The following RBFA variants were observed in gnomAD, a reference collection of about 807,000 sequenced individuals.
RBFA encodes putative ribosome-binding factor A, mitochondrial.
RBFA carries 16 observed loss-of-function variants against 27.9 expected under a neutral mutation model. That is an observed-to-expected ratio of 0.57 (90% CI 0.39 to 0.87). The LOEUF (loss-of-function observed/expected upper bound fraction) is 0.87, where lower values mean the gene tolerates loss of function less well. Ranked by LOEUF, RBFA falls within the 40% of genes least tolerant of loss-of-function variation. The probability of loss-of-function intolerance (pLI) is 0.00; values close to 1 mark genes in which losing one functional copy is unlikely to be tolerated. For missense variants in RBFA, 456 were observed against 432.1 expected, an observed-to-expected ratio of 1.06 and a Z score of -0.49; for synonymous variants, 181 against 181.0, an observed-to-expected ratio of 1.00 and a Z score of 0.00.
Position 80,045,986 on chromosome 18 carries a change from A to G in RBFA, c.863A>G (p.Gln288Arg), listed in dbSNP as rs2052050650. 1 of 1,614,194 alleles carries G rather than the reference A, an allele frequency of 6.2e-7. No homozygotes were observed. Among genetic ancestry groups the G allele is most frequent in the Non-Finnish European group, 8.5e-7 (1 of 1,180,048 alleles). Residue 288 changes from glutamine (Q) to arginine (R), a missense_variant, in exon 7 of 7, where the codon CAG (glutamine) becomes CGG (arginine). Coordinates refer to ENST00000306735, the MANE Select transcript of RBFA (RefSeq NM_024805.3). ...AAGAGGGCCAAGCCCCGCCTGGAGC[A>G]GGACAGCTCCCTCAAGAGTTACCTG... ...GRKRAKPRLE[Q>R]DSSLKSYLSG...
rs1381224103 is a variant in RBFA at position 80,050,250 on chromosome 18, G to A, written c.*4095G>A. Among the ~76,000 whole-genome samples the A allele has an allele frequency of 2.0e-5, 3 of 152,182 alleles. No homozygotes were observed. The highest frequency in any genetic ancestry group is 4.4e-5 in the Non-Finnish European group (3 of 68,038). ...TGCCACCCAGGCCAGGGTAAGGGGAGCAGAGACCTTTTGGTTCCTGGTTTG... is the reference window on the plus strand; with the variant it reads ...TGCCACCCAGGCCAGGGTAAGGGGAACAGAGACCTTTTGGTTCCTGGTTTG... On this transcript the variant is annotated 3_prime_UTR_variant, in exon 7 of 7. Transcript: ENST00000306735.
rs1021656065 is a variant in RBFA, at chr18:80,047,681, T to C, written c.*1526T>C. ...TAAGGATAGACAAAACCCCACATGA[T>C]GGTATGAGTAGGAGAGAGAAAAAAA... On this transcript the variant is annotated 3_prime_UTR_variant, in exon 7 of 7. Coordinates refer to ENST00000306735, the MANE Select transcript of RBFA (RefSeq NM_024805.3). 3.1e-4 allele frequency among the ~76,000 whole-genome samples: 44 copies of C among 142,972 alleles called. No individual in the cohort carries two copies. The highest frequency in any genetic ancestry group is 1.1e-3 in the African/African-American group (43 of 39,046). The allele number at this position is 142,972 out of a possible 152,430, so 93.8% of individuals were successfully genotyped here.
rs749498568 is a variant in RBFA, at chr18:80,047,955, T to G, written c.*1800T>G. Among the ~76,000 whole-genome samples the G allele has an allele frequency of 2.6e-5, 4 of 152,230 alleles. No homozygotes were observed. Among genetic ancestry groups the G allele is most frequent in the Non-Finnish European group, 4.4e-5 (3 of 68,034 alleles). On this transcript the variant is annotated 3_prime_UTR_variant, in exon 7 of 7. Coordinates refer to ENST00000306735, the MANE Select transcript of RBFA (RefSeq NM_024805.3). ...CTCTTATTCTTCTAGGGGACCATCA[T>G]GGGCTGAGGTCAGGCCAAGGCCTTT...
intron 5 of RBFA, among the ~76,000 whole-genome samples, chr18:80,043,495 C>G (rs1016637088): frequency 6.6e-6 from 1 of 152,176 alleles, no homozygotes; most frequent in African/African-American, 2.4e-5. Context: ...AAGGTGTTCC[C>G]TGGGGAGGAC....
Position 80,037,450 on chromosome 18 carries a change from C to CTG in RBFA, c.326_327dup (p.Thr110ValfsTer5). ...CCTCTATAAGGCACTGACAGACCTG[C>CTG]TGTGTACCCCTGAAGTGAGTCAGGA... On this transcript the variant is annotated frameshift_variant, in exon 3 of 7. Transcript: ENST00000306735. LOFTEE classifies it high-confidence loss of function. 6.2e-7 allele frequency: 1 copy of CTG among 1,614,138 alleles called. No individual in the cohort carries two copies. The highest frequency in any genetic ancestry group is 8.5e-7 in the Non-Finnish European group (1 of 1,179,998).
rs1430289180 is a variant in RBFA at position 80,049,629 on chromosome 18, C to G, written c.*3474C>G. Among the ~76,000 whole-genome samples, 1 of 152,238 alleles carries G rather than the reference C, an allele frequency of 6.6e-6. No individual in the cohort carries two copies. Among genetic ancestry groups the G allele is most frequent in the Non-Finnish European group, 1.5e-5 (1 of 68,040 alleles). On this transcript the variant is annotated 3_prime_UTR_variant, in exon 7 of 7. Transcript: ENST00000306735. Reference sequence around the variant, plus strand: ...ACCTTGTTAGTAAAGGTCAATGGTTCTCAAAGTTCCGGGCACATCCCCTGG... The same window carrying G: ...ACCTTGTTAGTAAAGGTCAATGGTTGTCAAAGTTCCGGGCACATCCCCTGG...
intron 6 of RBFA, 85 bp from the exon 7 acceptor site, chr18:80,045,689 G>A: frequency 1.4e-6 from 2 of 1,422,064 alleles, no homozygotes; most frequent in Non-Finnish European, 1.9e-6. Flanking sequence ...TGTAGGAAGT[G>A]TGATGTGCTG....
chr18:80,035,779 T>G (rs1371257539), intron 1 of RBFA: 3 of 152,250 alleles, frequency 2.0e-5, no homozygotes, highest in Non-Finnish European at 4.4e-5. Flanking sequence ...TTCATTCATA[T>G]CACCAAGAAC....
At chr18:80,039,744 A>C (rs2145145166) in intron 4 of RBFA, among the ~76,000 whole-genome samples, 1 of 152,336 alleles carries the variant, frequency 6.6e-6, no homozygotes, top group East Asian at 1.9e-4. Flanking sequence ...ATGCTTTTAA[A>C]ATCTGCATAA....
chr18:80,046,972 A>G lies in RBFA; in HGVS notation c.*817A>G, dbSNP rs1001368912. The G allele has an allele frequency of 3.3e-5, 5 of 152,402 alleles. No homozygotes were observed. Among genetic ancestry groups the G allele is most frequent in the Admixed American group, 3.3e-4 (5 of 15,288 alleles). 9.4% of individuals were successfully genotyped at this position (152,402 alleles called of 1,614,324 possible). The stretch of plus-strand genomic sequence containing the variant: ...GATTCGTTTTGCTGTTTATCAGAAG[A>G]GAAAACACAGATTCCATACCTTGTC... On this transcript the variant is annotated 3_prime_UTR_variant, in exon 7 of 7. Coordinates refer to ENST00000306735, the MANE Select transcript of RBFA (RefSeq NM_024805.3).
chr18:80,045,748 G>A (rs1235243851), intron 6 of RBFA, 26 bp from the exon 7 acceptor site: 6 of 1,509,588 alleles, frequency 4.0e-6, no homozygotes, highest in Non-Finnish European at 4.4e-6. Context: ...TTTGTGCTTG[G>A]TGTGAAGCCT....
chr18:80,045,318 T>C (rs986191000), intron 6 of RBFA, among the ~76,000 whole-genome samples: 11 of 151,200 alleles, frequency 7.3e-5, no homozygotes, highest in Non-Finnish European at 1.3e-4. Flanking sequence ...TGTCTGCCTC[T>C]TGGGTTCAGG....
chr18:80,040,368 C>T (rs193259969), intron 4 of RBFA, among the ~76,000 whole-genome samples: 1 of 151,442 alleles, frequency 6.6e-6, no homozygotes, highest in African/African-American at 2.4e-5. Flanking sequence ...CCTGCCTCAG[C>T]TTCCCATACA....
In RBFA at chr18:80,046,311, A is replaced by C. The variant is rs73497073; in HGVS notation, c.*156A>C. 641 of 820,448 alleles carry C rather than the reference A, an allele frequency of 7.8e-4. 1 individual carries two copies. In the African/African-American group the frequency reaches 0.01, roughly 13 times the overall value. The allele number at this position is 820,448 out of a possible 1,614,324, so 50.8% of individuals were successfully genotyped here. On this transcript the variant is annotated 3_prime_UTR_variant, in exon 7 of 7. Transcript: ENST00000306735. ...TCCGTGTATCTAAACACAATTTGCT[A>C]CACAAGTCACTGTTTTTTTTTCCAT...
rs2052070106 is a variant in RBFA at position 80,048,285 on chromosome 18, T to A, written c.*2130T>A. On this transcript the variant is annotated 3_prime_UTR_variant, in exon 7 of 7. Coordinates refer to ENST00000306735, the MANE Select transcript of RBFA (RefSeq NM_024805.3). ...AGCAGAGTAAAGACAGAGTCTGCCA[T>A]GCAGGAGTGCTTCGCAGGTCAGGCA... The A allele has an allele frequency of 6.6e-6, 1 of 152,426 alleles. No individual in the cohort carries two copies. The highest frequency in any genetic ancestry group is 6.5e-5 in the Admixed American group (1 of 15,288). The allele number at this position is 152,426 out of a possible 1,614,324, so 9.4% of individuals were successfully genotyped here.
rs1055418800 is a variant in RBFA, at chr18:80,048,562, A to C, written c.*2407A>C. 6.6e-6 allele frequency among the ~76,000 whole-genome samples: 1 copy of C among 152,228 alleles called. No individual in the cohort carries two copies. Among genetic ancestry groups the C allele is most frequent in the African/African-American group, 2.4e-5 (1 of 41,462 alleles). Reference sequence around the variant, plus strand: ...TAGAGCCATGAGGACAGAGACCAGAAGGGACAAGAAGGAGTGGGCAGAGGG... The same window carrying C: ...TAGAGCCATGAGGACAGAGACCAGACGGGACAAGAAGGAGTGGGCAGAGGG... On this transcript the variant is annotated 3_prime_UTR_variant, in exon 7 of 7. Coordinates refer to ENST00000306735, the MANE Select transcript of RBFA (RefSeq NM_024805.3).
At chr18:80,036,429 C>T (rs1043012488) in intron 1 of RBFA, among the ~76,000 whole-genome samples, 3 of 152,114 alleles carry the variant, frequency 2.0e-5, no homozygotes, top group Admixed American at 6.5e-5. Flanking sequence ...TCTCTCTAAC[C>T]TTGGGACTAG....
chr18:80,039,714 T>G (rs1391483471), intron 4 of RBFA, among the ~76,000 whole-genome samples: 1 of 152,204 alleles, frequency 6.6e-6, no homozygotes, highest in African/African-American at 2.4e-5. Context: ...AAACGTGCTG[T>G]TGTATGATAA....
rs947251596 is a variant in RBFA at position 80,036,739 on chromosome 18, A to G, written c.201+29A>G. 3 of 1,571,458 alleles carry G rather than the reference A, an allele frequency of 1.9e-6. No individual in the cohort carries two copies. The African/African-American group carries it at 4.1e-5, about 21-fold the overall frequency. ...AGTATAAGCCATGAGCCACTTTATA[A>G]TCTTGATGGGAGTGAGGGTTTAAAA... On this transcript the variant is annotated intron_variant, in intron 2 of 6. Transcript: ENST00000306735.
Sources: allele counts gnomAD v4.1 joint callset (sites outside exome capture counted in the v4.1 genomes callset), GRCh38; gene constraint gnomAD v4.1.1; transcripts MANE v1.5; gene names NCBI Gene and HGNC (gene_info 2026-07-23, HGNC 2026-07-21).